THNSL1: variants seen among roughly 807,000 people sequenced by gnomAD.
THNSL1 encodes the protein threonine synthase-like 1.
THNSL1 carries 48 observed loss-of-function variants against 50.4 expected under a neutral mutation model. The observed-to-expected ratio is 0.95, with a 90% CI of 0.76 to 1.21. The LOEUF is 1.21. Ranked by LOEUF, THNSL1 falls within the 50% of genes most tolerant of loss-of-function variation. The pLI is 0.00. For synonymous variants in THNSL1, 309 were observed against 306.1 expected (o/e 1.01, Z -0.10); for missense variants, 896 against 871.7 (o/e 1.03, Z -0.35).
rs140689466 is a variant in THNSL1, at chr10:25,023,314, C to A, written c.91C>A (p.Arg31=). 3 of 1,613,958 alleles carry A rather than the reference C, an allele frequency of 1.9e-6. No individual in the cohort carries two copies. The highest frequency in any genetic ancestry group is 2.7e-5 in the African/African-American group (2 of 74,912). The change falls in exon 3 of 3, where the codon CGA becomes AGA. Residue 31 remains arginine (R), a synonymous_variant. Coordinates refer to ENST00000376356, the MANE Select transcript of THNSL1 (RefSeq NM_024838.5). ...TGTTAAAACGGATAAACATGCACAG[C>A]GATTTCTTTCAAGAACCTTTGCACT... The part of the protein sequence containing the change: ...IHVKTDKHAQ[R]FLSRTFALAE...
At chr10:25,012,910 G>A (rs188165910), upstream of THNSL1, among the ~76,000 whole-genome samples, 13 of 152,126 alleles carry the variant, frequency 8.5e-5, no homozygotes, top group African/African-American at 1.7e-4. Context: ...GCATCCCCAC[G>A]CAAATCTCAC....
At chr10:25,016,819 A>T (rs1308281410) in intron 1 of THNSL1, 127 bp downstream of exon 1, 1 of 152,488 alleles carries the variant, frequency 6.6e-6, no homozygotes. Flanking sequence ...AGGAAGGAAA[A>T]CTAGAAGCCA....
the THNSL1 span, among the ~76,000 whole-genome samples, chr10:24,961,660 C>G: frequency 2.4e-4 from 37 of 151,346 alleles, no homozygotes; most frequent in Admixed American, 1.6e-3. Context: ...ATGTTAAAAG[C>G]GTAGTAATTG....
At chr10:25,004,857 T>C in the THNSL1 span, among the ~76,000 whole-genome samples, 1 of 152,222 alleles carries the variant, frequency 6.6e-6, no homozygotes, top group Non-Finnish European at 1.5e-5. Context: ...CTGAATGGTA[T>C]TGCCTAGGTT....
In THNSL1 at chr10:25,021,769, G is replaced by A. The variant is rs184289561; in HGVS notation, c.-188G>A. 68 of 152,214 alleles carry A rather than the reference G, an allele frequency of 4.5e-4. No homozygotes were observed. Among genetic ancestry groups the A allele is most frequent in the African/African-American group, 1.5e-3 (64 of 41,534 alleles). The allele number at this position is 152,214 out of a possible 1,614,324, so 9.4% of individuals were successfully genotyped here. A position where few individuals can be genotyped will look rare whatever the true frequency, so the allele number is the denominator to read the frequency against. The stretch of plus-strand genomic sequence containing the variant: ...TCCACGTTTTGCAAAGATCGGTTTT[G>A]CCTCAGAGTCAACAAACTCTTCAGA... On this transcript the variant is annotated 5_prime_UTR_variant, in exon 2 of 3. Coordinates refer to ENST00000376356, the MANE Select transcript of THNSL1 (RefSeq NM_024838.5).
the THNSL1 span, among the ~76,000 whole-genome samples, chr10:24,977,089 T>C: frequency 6.6e-6 from 1 of 152,146 alleles, no homozygotes; most frequent in Non-Finnish European, 1.5e-5. Flanking sequence ...TGATGGTGTG[T>C]GGTTGATAAA....
intron 1 of THNSL1, 22 bp downstream of exon 1, chr10:25,016,714 G>A (rs76021461): frequency 0.02 from 3,078 of 152,518 alleles, 42 homozygotes; most frequent in Non-Finnish European, 0.03. Flanking sequence ...CGTCTCCTGT[G>A]GAGGCTTTAG....
At chr10:25,004,360 T>C in the THNSL1 span, among the ~76,000 whole-genome samples, 1 of 152,180 alleles carries the variant, frequency 6.6e-6, no homozygotes, top group Non-Finnish European at 1.5e-5. Flanking sequence ...CACACTGTCT[T>C]CCACAATGGT....
At chr10:24,960,990 A>G in the THNSL1 span, among the ~76,000 whole-genome samples, 4 of 152,268 alleles carry the variant, frequency 2.6e-5, no homozygotes, top group South Asian at 2.1e-4. Flanking sequence ...TAGAGGGTCA[A>G]ATCTGCTATG....
intron 1 of THNSL1, among the ~76,000 whole-genome samples, chr10:25,018,662 T>G (rs1328036205): frequency 7.7e-6 from 1 of 129,700 alleles, no homozygotes; most frequent in Non-Finnish European, 1.7e-5. Flanking sequence ...GAGAGTTGTT[T>G]TTTTTTTTTT....
At chr10:25,018,058 C>CT (rs1344264537) in intron 1 of THNSL1, among the ~76,000 whole-genome samples, 2 of 152,092 alleles carry the variant, frequency 1.3e-5, no homozygotes, top group African/African-American at 2.4e-5. Context: ...CTTTGGTAGC[C>CT]TTGATGTTCT....
At chr10:25,017,061 C>CG (rs1244235446) in intron 1 of THNSL1, among the ~76,000 whole-genome samples, 4 of 152,184 alleles carry the variant, frequency 2.6e-5, no homozygotes, top group African/African-American at 4.8e-5. Flanking sequence ...GGGCGGTCCT[C>CG]CGGGTCGGCT....
At chr10:25,015,346 A>G (rs1006208425), upstream of THNSL1, among the ~76,000 whole-genome samples, 2 of 152,200 alleles carry the variant, frequency 1.3e-5, no homozygotes, top group African/African-American at 4.8e-5. Flanking sequence ...ATAGTGGTAG[A>G]TATTTCGTTT....
rs527852587 is a variant in THNSL1, at chr10:25,016,656, C to G, written c.-252C>G. The G allele has an allele frequency of 6.6e-6, 1 of 152,480 alleles. No individual in the cohort carries two copies. The highest frequency in any genetic ancestry group is 2.4e-5 in the African/African-American group (1 of 41,460). The allele number at this position is 152,480 out of a possible 1,614,324, so 9.4% of individuals were successfully genotyped here. A position where few individuals can be genotyped will look rare whatever the true frequency, so the allele number is the denominator to read the frequency against. On this transcript the variant is annotated 5_prime_UTR_variant, in exon 1 of 3. Coordinates refer to ENST00000376356, the MANE Select transcript of THNSL1 (RefSeq NM_024838.5). ...GCCGCCGCAGGCACAGGCGCAGAGT[C>G]CACTGCGCGGGGGCGGGACCGGGGA...
chr10:24,952,385 G>A, the THNSL1 span: 277 of 950,192 alleles, frequency 2.9e-4, no homozygotes, highest in Non-Finnish European at 4.3e-4. The surrounding 1 kb of genome is among the most constrained non-coding windows in gnomAD (Gnocchi z 5.1). Context: ...CGGGTCCGAG[G>A]ATGGAAGCGA....
chr10:25,024,450 G>A lies in THNSL1; in HGVS notation c.1227G>A (p.Glu409=). The change falls in exon 3 of 3, where the codon GAG becomes GAA. Residue 409 remains glutamate, a synonymous_variant. Transcript: ENST00000376356. ...TAGCTGTGGTTGCATTTTTTCCTGA[G>A]AATGGAGTAAGTGATTTTCAAAAAG... ...QRIAVVAFFP[E]NGVSDFQKAQ... is the part of the protein sequence containing the mutation. 1.2e-6 allele frequency: 2 copies of A among 1,614,134 alleles called. No homozygotes were observed. Among genetic ancestry groups the A allele is most frequent in the Non-Finnish European group, 1.7e-6 (2 of 1,180,030 alleles).
chr10:25,002,380 G>A, the THNSL1 span, among the ~76,000 whole-genome samples: 1 of 152,094 alleles, frequency 6.6e-6, no homozygotes, highest in Non-Finnish European at 1.5e-5. Context: ...TAGCAGCTTT[G>A]GCCTTTGCAA....
chr10:24,962,665 C>G, the THNSL1 span, among the ~76,000 whole-genome samples: 4 of 152,186 alleles, frequency 2.6e-5, no homozygotes, highest in South Asian at 2.1e-4. Context: ...TGGTTTGAAG[C>G]AGTTTTCTCT....
the THNSL1 span, among the ~76,000 whole-genome samples, chr10:24,985,092 C>A: frequency 6.6e-6 from 1 of 152,192 alleles, no homozygotes; most frequent in African/African-American, 2.4e-5. Flanking sequence ...GGCCAAATCC[C>A]ATCCTTGACT....
Sources: allele counts gnomAD v4.1 joint callset (sites outside exome capture counted in the v4.1 genomes callset), GRCh38; gene constraint gnomAD v4.1.1; non-coding constraint Gnocchi (gnomAD v3.1); transcripts MANE v1.5; gene names NCBI Gene and HGNC (gene_info 2026-07-23, HGNC 2026-07-21).